CNTNAP2: variants seen among roughly 807,000 people sequenced by gnomAD.
The protein encoded by CNTNAP2 is contactin-associated protein-like 2.
Under a neutral mutation model 155.2 loss-of-function variants are expected in CNTNAP2, and 98 were observed. The observed-to-expected ratio is 0.63, with a 90% confidence interval of 0.54 to 0.75. The LOEUF (loss-of-function observed/expected upper bound fraction) is 0.75, where lower values mean the gene tolerates loss of function less well. Among genes scored for constraint, CNTNAP2 ranks in the 30% least tolerant of loss-of-function variants. CNTNAP2 has a pLI of 0.00. For missense variants in CNTNAP2, 1,727 were observed against 1,688.1 expected (o/e 1.02, Z -0.40); for synonymous variants, 651 against 631.2 (o/e 1.03, Z -0.47).
At chr7:147,692,759 A>T (rs1413818062) in intron 13 of CNTNAP2, among the ~76,000 whole-genome samples, 1 of 151,974 alleles carries the variant, frequency 6.6e-6, no homozygotes, top group African/African-American at 2.4e-5. Flanking sequence ...CCTCTATCAG[A>T]TGTCTTTTGC....
intron 22 of CNTNAP2, among the ~76,000 whole-genome samples, chr7:148,388,945 G>A (rs948327107): frequency 6.6e-6 from 1 of 152,068 alleles, no homozygotes; most frequent in African/African-American, 2.4e-5. Flanking sequence ...TGCCCCTACT[G>A]GGGGGTGCCT....
At chr7:147,554,887 A>G (rs144704186) in intron 11 of CNTNAP2, among the ~76,000 whole-genome samples, 1 of 152,298 alleles carries the variant, frequency 6.6e-6, no homozygotes, top group East Asian at 1.9e-4. Context: ...ATATGAGGTT[A>G]ATATTCAAGT....
At chr7:146,149,938 T>A (rs192307057) in intron 1 of CNTNAP2, among the ~76,000 whole-genome samples, 2 of 146,422 alleles carry the variant, frequency 1.4e-5, no homozygotes, top group Admixed American at 6.8e-5. Context: ...AAGGAAAACC[T>A]GTGCTCTTCA....
chr7:148,401,395 T>C (rs1166917960), intron 22 of CNTNAP2, among the ~76,000 whole-genome samples: 1 of 152,212 alleles, frequency 6.6e-6, no homozygotes, highest in Non-Finnish European at 1.5e-5. Flanking sequence ...ATCAATACTT[T>C]ACAAGTGCCC....
intron 3 of CNTNAP2, among the ~76,000 whole-genome samples, chr7:146,974,823 A>T (rs1797876022): frequency 6.6e-6 from 1 of 152,144 alleles, no homozygotes; most frequent in East Asian, 2.0e-4. Context: ...ACATGGTGAA[A>T]TCCCATCTCT....
chr7:147,779,058 A>T (rs374674092), intron 13 of CNTNAP2, among the ~76,000 whole-genome samples: 2 of 152,358 alleles, frequency 1.3e-5, no homozygotes, highest in South Asian at 2.1e-4. Flanking sequence ...CTCTTTTTCT[A>T]TTATGAAATT....
chr7:147,904,997 T>C, intron 14 of CNTNAP2, among the ~76,000 whole-genome samples: 1 of 152,172 alleles, frequency 6.6e-6, no homozygotes, highest in East Asian at 1.9e-4. Flanking sequence ...AACCTTTTAT[T>C]CATTCGTTCA....
At chr7:147,537,930 G>A (rs565202065) in intron 11 of CNTNAP2, among the ~76,000 whole-genome samples, 1 of 152,132 alleles carries the variant, frequency 6.6e-6, no homozygotes, top group African/African-American at 2.4e-5. Flanking sequence ...GTTAACTAAA[G>A]ATTCCTTGAA....
At chr7:147,674,301 T>C (rs1795834096) in intron 13 of CNTNAP2, among the ~76,000 whole-genome samples, 3 of 152,156 alleles carry the variant, frequency 2.0e-5, no homozygotes, top group African/African-American at 7.2e-5. Context: ...ATAAAAGTCT[T>C]TACAGTTTCA....
chr7:146,833,482 C>G (rs1803555123), intron 2 of CNTNAP2, among the ~76,000 whole-genome samples: 1 of 152,126 alleles, frequency 6.6e-6, no homozygotes, highest in Non-Finnish European at 1.5e-5. Context: ...GAAAGTGTAC[C>G]TTACATTACT....
chr7:146,245,147 G>T (rs559753361), intron 1 of CNTNAP2, among the ~76,000 whole-genome samples: 1 of 151,746 alleles, frequency 6.6e-6, no homozygotes, highest in Admixed American at 6.6e-5. Context: ...TAAATCAAGC[G>T]TGATCAGGGT....
At chr7:146,728,167 C>T (rs973074861) in intron 1 of CNTNAP2, among the ~76,000 whole-genome samples, 5 of 152,058 alleles carry the variant, frequency 3.3e-5, no homozygotes, top group Non-Finnish European at 5.9e-5. Flanking sequence ...AAGATGAATA[C>T]GATTTAGTTG....
intron 15 of CNTNAP2, among the ~76,000 whole-genome samples, chr7:148,012,038 G>C (rs1375937787): frequency 6.6e-6 from 1 of 152,174 alleles, no homozygotes; most frequent in Non-Finnish European, 1.5e-5. Flanking sequence ...TTAAGGGCCA[G>C]CTCACCACTC....
chr7:146,219,333 A>G (rs1677427509), intron 1 of CNTNAP2, among the ~76,000 whole-genome samples: 1 of 152,344 alleles, frequency 6.6e-6, no homozygotes, highest in South Asian at 2.1e-4. Context: ...ATTCCCCTCC[A>G]GAATATTACC....
chr7:146,283,149 T>G (rs111876013), intron 1 of CNTNAP2, among the ~76,000 whole-genome samples: 3 of 152,326 alleles, frequency 2.0e-5, no homozygotes, highest in African/African-American at 7.2e-5. Flanking sequence ...TCTAACTAAG[T>G]TGATATTTAA....
intron 13 of CNTNAP2, among the ~76,000 whole-genome samples, chr7:147,817,220 A>G (rs1383074445): frequency 6.6e-6 from 1 of 152,198 alleles, no homozygotes; most frequent in African/African-American, 2.4e-5. Flanking sequence ...AGAAAGAAAA[A>G]TGACTTGGGA....
intron 13 of CNTNAP2, among the ~76,000 whole-genome samples, chr7:147,852,059 C>T (rs1350616122): frequency 2.6e-5 from 4 of 152,052 alleles, no homozygotes; most frequent in African/African-American, 4.8e-5. Flanking sequence ...GTCTATATTG[C>T]GACCTTAATT....
intron 1 of CNTNAP2, among the ~76,000 whole-genome samples, chr7:146,269,547 T>A (rs1403185286): frequency 6.6e-6 from 1 of 152,178 alleles, no homozygotes; most frequent in Admixed American, 6.5e-5. Flanking sequence ...AGTTTTGGTT[T>A]GGAAAAATGA....
Position 147,176,163 on chromosome 7 carries a change from G to A in CNTNAP2, c.1348+43654G>A, listed in dbSNP as rs560689649. On this transcript the variant is annotated intron_variant, in intron 8 of 23. Coordinates refer to ENST00000361727, the MANE Select transcript of CNTNAP2 (RefSeq NM_014141.6). Reference sequence around the variant, plus strand: ...TCGGTTTAATGAGGACCTTTTGGAAGTTACTTGGCTCTAAGGCCAGAAAGC... The same window carrying A: ...TCGGTTTAATGAGGACCTTTTGGAAATTACTTGGCTCTAAGGCCAGAAAGC... Among the ~76,000 whole-genome samples the A allele has an allele frequency of 4.6e-5, 7 of 152,292 alleles. No homozygotes were observed. In the South Asian group the frequency reaches 1.0e-3, roughly 23 times the overall value.
Sources: allele counts gnomAD v4.1 joint callset (sites outside exome capture counted in the v4.1 genomes callset), GRCh38; gene constraint gnomAD v4.1.1; transcripts MANE v1.5; gene names NCBI Gene and HGNC (gene_info 2026-07-23, HGNC 2026-07-21).